The following FHIT variants were observed in gnomAD, a reference collection of about 807,000 sequenced individuals.
FHIT encodes fragile histidine triad diadenosine triphosphatase, also known as bis(5'-adenosyl)-triphosphatase.
Under a neutral mutation model 17.9 loss-of-function variants are expected in FHIT, and 19 were observed. The ratio of observed to expected loss-of-function variants is 1.06; its 90% CI spans 0.74 to 1.56. FHIT has a LOEUF of 1.56. FHIT is among the 40% of genes most tolerant of loss of function. FHIT has a pLI of 0.00. For synonymous variants in FHIT, 81 were observed against 69.7 expected, an observed-to-expected ratio of 1.16 and a Z score of -0.81; for missense variants, 248 against 189.2, an observed-to-expected ratio of 1.31 and a Z score of -1.82.
chr3:60,240,463 A>G (rs1347337067), intron 5 of FHIT, among the ~76,000 whole-genome samples: 2 of 152,200 alleles, frequency 1.3e-5, no homozygotes, highest in African/African-American at 4.8e-5. Flanking sequence ...GAAGACTTCA[A>G]TATCAGGATT....
intron 5 of FHIT, among the ~76,000 whole-genome samples, chr3:60,300,302 T>C (rs1708400348): frequency 6.6e-6 from 1 of 152,026 alleles, no homozygotes; most frequent in Non-Finnish European, 1.5e-5. Context: ...TCACAACAGA[T>C]CCTATCAAAG....
At chr3:59,820,854 A>C (rs1391968593) in intron 8 of FHIT, among the ~76,000 whole-genome samples, 2 of 152,220 alleles carry the variant, frequency 1.3e-5, no homozygotes, top group African/African-American at 4.8e-5. Flanking sequence ...AGAAGCACAG[A>C]AGTTGTGACT....
At chr3:60,681,362 C>T (rs958794267) in intron 4 of FHIT, among the ~76,000 whole-genome samples, 2 of 152,130 alleles carry the variant, frequency 1.3e-5, no homozygotes, top group South Asian at 4.2e-4. Flanking sequence ...ACTGACTAGC[C>T]ATTTTTCCCT....
intron 2 of FHIT, among the ~76,000 whole-genome samples, chr3:61,146,642 C>A (rs1411124395): frequency 6.6e-6 from 1 of 151,918 alleles, no homozygotes; most frequent in Non-Finnish European, 1.5e-5. Context: ...ATATTTGCAC[C>A]ATGAATAAGT....
At chr3:60,513,943 C>T (rs144641715) in intron 5 of FHIT, among the ~76,000 whole-genome samples, 1,531 of 152,258 alleles carry the variant, frequency 0.01, 14 homozygotes, top group Middle Eastern at 0.031. Context: ...AGAGAAGTGT[C>T]TGAACGTGGA....
At chr3:61,022,654 G>C (rs990745441) in intron 3 of FHIT, among the ~76,000 whole-genome samples, 1 of 152,216 alleles carries the variant, frequency 6.6e-6, no homozygotes, top group Non-Finnish European at 1.5e-5. Context: ...CCACGATCAA[G>C]TTGGCTTAAT....
chr3:60,902,233 C>T (rs1706153606), intron 3 of FHIT, among the ~76,000 whole-genome samples: 1 of 152,134 alleles, frequency 6.6e-6, no homozygotes, highest in Admixed American at 6.6e-5. Context: ...TTTGCCTGTT[C>T]AAAAACATCA....
At chr3:59,911,010 T>A (rs1406599319) in intron 8 of FHIT, among the ~76,000 whole-genome samples, 1 of 152,184 alleles carries the variant, frequency 6.6e-6, no homozygotes, top group Non-Finnish European at 1.5e-5. Context: ...ACAACAGGTA[T>A]ACTACAGTTT....
chr3:59,987,188 A>C (rs1055667708), intron 7 of FHIT, among the ~76,000 whole-genome samples: 3 of 145,984 alleles, frequency 2.1e-5, no homozygotes, highest in East Asian at 3.9e-4. Context: ...TATTTTTTCT[A>C]TAGGAAATCC....
intron 5 of FHIT, among the ~76,000 whole-genome samples, chr3:60,189,871 C>T (rs1702325795): frequency 6.6e-6 from 1 of 152,136 alleles, no homozygotes; most frequent in Non-Finnish European, 1.5e-5. Flanking sequence ...TAATCCAGCA[C>T]TTGTTCAGCA....
intron 7 of FHIT, among the ~76,000 whole-genome samples, chr3:59,987,510 C>G (rs571099638): frequency 7.9e-5 from 12 of 152,004 alleles, no homozygotes; most frequent in Non-Finnish European, 1.6e-4. Flanking sequence ...TGTTTTAACA[C>G]GTCATGGCAA....
At chr3:59,966,833 T>G (rs1324607716) in intron 7 of FHIT, among the ~76,000 whole-genome samples, 1 of 152,144 alleles carries the variant, frequency 6.6e-6, no homozygotes, top group Non-Finnish European at 1.5e-5. Context: ...CACTGTATAC[T>G]TAGGCTATAC....
intron 4 of FHIT, among the ~76,000 whole-genome samples, chr3:60,624,374 G>C (rs928191326): frequency 6.6e-6 from 1 of 152,182 alleles, no homozygotes; most frequent in African/African-American, 2.4e-5. Flanking sequence ...ATGAAGTTTA[G>C]AAAAATCCCT....
intron 4 of FHIT, among the ~76,000 whole-genome samples, chr3:60,709,351 G>C (rs967009808): frequency 2.0e-5 from 3 of 152,156 alleles, no homozygotes; most frequent in African/African-American, 4.8e-5. Flanking sequence ...TATATTATTA[G>C]GGTTGAAGTG....
At chr3:60,987,018 A>T (rs989986150) in intron 3 of FHIT, among the ~76,000 whole-genome samples, 2 of 152,174 alleles carry the variant, frequency 1.3e-5, no homozygotes, top group African/African-American at 4.8e-5. Flanking sequence ...AAACTATGTC[A>T]CTTGTACCTC....
At chr3:60,130,944 CAT>C (rs1398812798) in intron 5 of FHIT, among the ~76,000 whole-genome samples, 5 of 126,286 alleles carry the variant, frequency 4.0e-5, no homozygotes, top group African/African-American at 1.3e-4. Context: ...TATATATATA[CAT>C]ATGTGACAAT....
chr3:60,965,251 G>A (rs1559871971), intron 3 of FHIT, among the ~76,000 whole-genome samples: 4 of 152,066 alleles, frequency 2.6e-5, no homozygotes, highest in Non-Finnish European at 5.9e-5. Flanking sequence ...CATGCATCAC[G>A]TAGTTCTCAT....
intron 9 of FHIT, chr3:59,751,774 G>GAGTT (rs1700918668): frequency 4.2e-6 from 1 of 235,664 alleles, no homozygotes; most frequent in African/African-American, 2.2e-5. Context: ...GAAAGCAGAG[G>GAGTT]AGTTTGCCCG....
rs139647639 is a variant in FHIT at position 60,203,843 on chromosome 3, G to C, written c.104-189691C>G. Reference sequence around the variant, plus strand: ...AAAATGGGGGCAAAGACAGGAACAGGAAGACAAACTTCGCATGTTCTCACT... The same window carrying C: ...AAAATGGGGGCAAAGACAGGAACAGCAAGACAAACTTCGCATGTTCTCACT... On this transcript the variant is annotated intron_variant, in intron 5 of 9. Coordinates refer to ENST00000492590, the MANE Select transcript of FHIT (RefSeq NM_002012.4). Among the ~76,000 whole-genome samples, 6 of 152,250 alleles carry C rather than the reference G, an allele frequency of 3.9e-5. No individual in the cohort carries two copies. The East Asian group carries it at 9.7e-4, about 25-fold the overall frequency.
Sources: allele counts gnomAD v4.1 joint callset (sites outside exome capture counted in the v4.1 genomes callset), GRCh38; gene constraint gnomAD v4.1.1; transcripts MANE v1.5; gene names NCBI Gene and HGNC (gene_info 2026-07-23, HGNC 2026-07-21).